The following SUCLG2 variants were observed in gnomAD, a reference collection of about 807,000 sequenced individuals.
SUCLG2 encodes succinate-CoA ligase GDP-forming subunit beta.
A neutral mutation model predicts 47.9 loss-of-function variants in SUCLG2; 42 were observed. The ratio of observed to expected loss-of-function variants is 0.88; its 90% CI spans 0.69 to 1.14. SUCLG2 has a LOEUF of 1.14. Ranked by LOEUF, SUCLG2 falls within the 50% of genes most tolerant of loss-of-function variation. The probability of loss-of-function intolerance (pLI) is 0.00; values close to 1 mark genes in which losing one functional copy is unlikely to be tolerated. For missense variants in SUCLG2, 571 were observed against 525.9 expected, an observed-to-expected ratio of 1.09 and a Z score of -0.84; for synonymous variants, 195 against 197.3, an observed-to-expected ratio of 0.99 and a Z score of 0.10.
In SUCLG2 at chr3:67,513,951, A is replaced by G. The variant is rs76943128; in HGVS notation, c.660+4296T>C. 3.0e-3 allele frequency: 565 copies of G among 188,476 alleles called. 2 individuals are homozygous for G. The highest frequency in any genetic ancestry group is 0.013 in the African/African-American group (539 of 42,358). The allele number at this position is 188,476 out of a possible 1,614,324, so 11.7% of individuals were successfully genotyped here. A position where few individuals can be genotyped will look rare whatever the true frequency, so the allele number is the denominator to read the frequency against. On this transcript the variant is annotated intron_variant, in intron 6 of 10. Coordinates refer to ENST00000307227, the MANE Select transcript of SUCLG2 (RefSeq NM_003848.4). ...GCTGCATCGCCAAGATGCCATTCCC[A>G]AAGTATACTCCATCGCGCCTGGCCA... is the stretch of plus-strand genomic sequence containing the variant.
chr3:67,618,136 T>TTAG (rs1192281836), intron 1 of SUCLG2, among the ~76,000 whole-genome samples: 1 of 152,156 alleles, frequency 6.6e-6, no homozygotes, highest in Admixed American at 6.5e-5. Flanking sequence ...AATGTGCTAC[T>TTAG]TAGGGCCAGG....
chr3:67,361,965 A>G (rs116206889), intron 10 of SUCLG2, among the ~76,000 whole-genome samples: 2,027 of 152,328 alleles, frequency 0.013, 29 homozygotes, highest in South Asian at 0.063. Context: ...TTCCAGCCAA[A>G]GCCAACCTAG....
In SUCLG2 at chr3:67,374,762, A is replaced by G. The variant is rs1702000531; in HGVS notation, c.*982T>C. ...AATTTTATTTAAATTTGTATAGATAAAAATCTACCAAAATTTAAACAAAAA... is the reference window on the plus strand; with the variant it reads ...AATTTTATTTAAATTTGTATAGATAGAAATCTACCAAAATTTAAACAAAAA... On this transcript the variant is annotated 3_prime_UTR_variant, in exon 11 of 11. Coordinates refer to ENST00000307227, the MANE Select transcript of SUCLG2 (RefSeq NM_003848.4). 1.1e-6 allele frequency: 1 copy of G among 944,036 alleles called. No individual in the cohort carries two copies. Among genetic ancestry groups the G allele is most frequent in the East Asian group, 1.2e-4 (1 of 8,600 alleles). 58.5% of individuals were successfully genotyped at this position (944,036 alleles called of 1,614,324 possible).
chr3:67,545,281 G>T (rs952015547), intron 2 of SUCLG2, among the ~76,000 whole-genome samples: 2 of 152,110 alleles, frequency 1.3e-5, no homozygotes, highest in Admixed American at 6.5e-5. Flanking sequence ...AATCCAGGAG[G>T]CATTTGTCTT....
intron 1 of SUCLG2, among the ~76,000 whole-genome samples, chr3:67,648,882 G>A (rs975378293): frequency 1.8e-4 from 27 of 152,032 alleles, no homozygotes; most frequent in African/African-American, 5.8e-4. Context: ...TACCAACTCC[G>A]GCCAGCTGGG....
At chr3:67,568,489 T>C (rs1707525513) in intron 2 of SUCLG2, among the ~76,000 whole-genome samples, 1 of 152,184 alleles carries the variant, frequency 6.6e-6, no homozygotes, top group Non-Finnish European at 1.5e-5. Flanking sequence ...TAAAGAAAAC[T>C]TAAGTGGCAT....
intron 9 of SUCLG2, among the ~76,000 whole-genome samples, chr3:67,477,313 T>C (rs1438046921): frequency 1.3e-5 from 2 of 152,138 alleles, no homozygotes. Flanking sequence ...GACTTTTTTT[T>C]CCCCTAAAGG....
intron 9 of SUCLG2, among the ~76,000 whole-genome samples, chr3:67,494,745 T>C (rs776424082): frequency 9.2e-5 from 14 of 152,224 alleles, no homozygotes; most frequent in Non-Finnish European, 1.3e-4. Context: ...ACTTTCAAAA[T>C]ATTTTGGTCT....
intron 9 of SUCLG2, among the ~76,000 whole-genome samples, chr3:67,493,829 T>C (rs1705263047): frequency 6.6e-6 from 1 of 152,170 alleles, no homozygotes; most frequent in Admixed American, 6.5e-5. Flanking sequence ...AAAGAATAAG[T>C]GAATTAATAC....
intron 9 of SUCLG2, among the ~76,000 whole-genome samples, chr3:67,405,725 C>G (rs1004101562): frequency 6.6e-6 from 1 of 152,152 alleles, no homozygotes; most frequent in Non-Finnish European, 1.5e-5. Flanking sequence ...CAGCTGTCCA[C>G]AGAATTTTTG....
chr3:67,584,109 T>C (rs914832882), intron 2 of SUCLG2, among the ~76,000 whole-genome samples: 3 of 152,236 alleles, frequency 2.0e-5, no homozygotes, highest in African/African-American at 4.8e-5. Context: ...TAAGTGTTCA[T>C]AGCAGCATTA....
intron 6 of SUCLG2, among the ~76,000 whole-genome samples, chr3:67,515,742 T>G (rs190036347): frequency 6.6e-6 from 1 of 152,174 alleles, no homozygotes; most frequent in Non-Finnish European, 1.5e-5. Context: ...ATCTGCTCAT[T>G]GTACACTGGC....
intron 1 of SUCLG2, among the ~76,000 whole-genome samples, chr3:67,622,510 T>C (rs181406476): frequency 2.0e-4 from 31 of 152,264 alleles, no homozygotes; most frequent in African/African-American, 6.5e-4. Context: ...TCTGAGAAAA[T>C]AGTAGTTGGA....
intron 10 of SUCLG2, among the ~76,000 whole-genome samples, chr3:67,394,491 G>A (rs1230756195): frequency 1.3e-5 from 2 of 149,552 alleles, no homozygotes; most frequent in South Asian, 2.1e-4. Flanking sequence ...AAAAAGAAAT[G>A]AACAAAGCCT....
intron 9 of SUCLG2, chr3:67,408,964 C>T: frequency 1.3e-6 from 2 of 1,534,820 alleles, no homozygotes; most frequent in South Asian, 1.2e-5. Context: ...GTCCTATTTC[C>T]AAGCTTCAAG....
At chr3:67,622,783 T>C (rs1700757341) in intron 1 of SUCLG2, among the ~76,000 whole-genome samples, 1 of 152,154 alleles carries the variant, frequency 6.6e-6, no homozygotes, top group Non-Finnish European at 1.5e-5. Flanking sequence ...AGGCCAAAAG[T>C]CCATGTGACA....
chr3:67,463,067 A>G (rs9824365), intron 9 of SUCLG2, among the ~76,000 whole-genome samples: 18,432 of 152,230 alleles, frequency 0.12, 1,858 homozygotes, highest in African/African-American at 0.28. Context: ...AGTAAAATGC[A>G]CAAAAAGCAA....
At chr3:67,394,207 G>C (rs1163772032) in intron 10 of SUCLG2, among the ~76,000 whole-genome samples, 1 of 152,192 alleles carries the variant, frequency 6.6e-6, no homozygotes, top group African/African-American at 2.4e-5. Flanking sequence ...GAAGGATTCA[G>C]ATGATCAAAC....
At chr3:67,521,794 A>G (rs534934691) in intron 4 of SUCLG2, among the ~76,000 whole-genome samples, 1 of 151,700 alleles carries the variant, frequency 6.6e-6, no homozygotes, top group South Asian at 2.1e-4. Context: ...TAATTTTTGT[A>G]TTTTTAGTAG....
Sources: gnomAD v4.1 joint callset for allele counts (sites outside exome capture counted in the v4.1 genomes callset) on GRCh38, gnomAD v4.1.1 for gene constraint, MANE v1.5 for transcripts, NCBI Gene and HGNC (gene_info 2026-07-23, HGNC 2026-07-21) for gene names.